The following RARB variants were observed in gnomAD, a reference collection of about 807,000 sequenced individuals.
The protein encoded by RARB is retinoic acid receptor beta, also known as HBV-activated protein.
In RARB, 17 loss-of-function variants were observed where a neutral mutation model predicts 51.9. The ratio of observed to expected loss-of-function variants is 0.33; its 90% CI spans 0.22 to 0.49. The LOEUF is 0.49. Ranked by LOEUF, RARB falls within the 20% of genes least tolerant of loss-of-function variation. RARB has a pLI of 0.99. For missense variants in RARB, 369 were observed against 550.8 expected, an observed-to-expected ratio of 0.67 and a Z score of 3.30; for synonymous variants, 215 against 195.4, an observed-to-expected ratio of 1.10 and a Z score of -0.84.
At chr3:25,347,848 G>A (rs372300170) in intron 5 of RARB, among the ~76,000 whole-genome samples, 5 of 152,220 alleles carry the variant, frequency 3.3e-5, no homozygotes, top group Admixed American at 6.5e-5. Flanking sequence ...TGGTGATAAC[G>A]CAGAGCACTT....
intron 5 of RARB, among the ~76,000 whole-genome samples, chr3:25,333,878 G>C (rs1704979557): frequency 6.6e-6 from 1 of 152,162 alleles, no homozygotes; most frequent in Non-Finnish European, 1.5e-5. Context: ...GACATGAACA[G>C]ACACTTCTCA....
At chr3:25,159,143 T>C (rs912372826) in intron 4 of RARB, among the ~76,000 whole-genome samples, 3 of 150,506 alleles carry the variant, frequency 2.0e-5, no homozygotes, top group African/African-American at 7.3e-5. Flanking sequence ...AAGAAAACTG[T>C]TCCAAATTGT....
chr3:25,268,324 C>G lies in RARB; in HGVS notation c.178+93749C>G, dbSNP rs889633915. The stretch of plus-strand genomic sequence containing the variant: ...TAATGTTGGACCTATTCAGGTGTGG[C>G]TAAATGCACATCTGTAATCTATTTT... On this transcript the variant is annotated intron_variant, in intron 5 of 11. Transcript: ENST00000383772. Among the ~76,000 whole-genome samples, 3 of 151,560 alleles carry G rather than the reference C, an allele frequency of 2.0e-5. No homozygotes were observed. The East Asian group carries it at 5.8e-4, about 29-fold the overall frequency.
At chr3:25,363,461 G>T (rs79834251) in intron 5 of RARB, among the ~76,000 whole-genome samples, 12,770 of 152,078 alleles carry the variant, frequency 0.084, 730 homozygotes, top group South Asian at 0.19. Flanking sequence ...TCGCCATCTG[G>T]GTTGATGGCA....
At chr3:25,323,047 A>G (rs760818843) in intron 5 of RARB, among the ~76,000 whole-genome samples, 13 of 152,162 alleles carry the variant, frequency 8.5e-5, no homozygotes, top group Non-Finnish European at 1.9e-4. Flanking sequence ...GGCCTCACCT[A>G]CATGTTTGGG....
At chr3:25,576,205 G>C (rs181930065) in intron 4 of RARB, among the ~76,000 whole-genome samples, 2 of 152,266 alleles carry the variant, frequency 1.3e-5, no homozygotes, top group East Asian at 3.9e-4. Context: ...TTGGGTGCTG[G>C]GATAAGGTGT....
At chr3:25,029,371 C>G (rs1697822814) in intron 2 of RARB, among the ~76,000 whole-genome samples, 1 of 152,194 alleles carries the variant, frequency 6.6e-6, no homozygotes, top group South Asian at 2.1e-4. Context: ...GCAGGAGGCT[C>G]TACCATAAAA....
intron 5 of RARB, among the ~76,000 whole-genome samples, chr3:25,387,954 T>C (rs1706844196): frequency 1.3e-5 from 2 of 152,136 alleles, no homozygotes; most frequent in Admixed American, 6.6e-5. Flanking sequence ...AAAACTTTCT[T>C]AGAGGCATAA....
intron 2 of RARB, among the ~76,000 whole-genome samples, chr3:24,927,423 G>A (rs73137238): frequency 0.012 from 1,817 of 152,076 alleles, 32 homozygotes; most frequent in African/African-American, 0.041. Context: ...TGTAACTCAC[G>A]TGGTTTCTGC....
chr3:24,861,917 G>A (rs769241810), intron 2 of RARB, among the ~76,000 whole-genome samples: 4 of 152,242 alleles, frequency 2.6e-5, no homozygotes, highest in Non-Finnish European at 5.9e-5. Flanking sequence ...TGGTAGGGCA[G>A]TAAACCATGG....
intron 1 of RARB, among the ~76,000 whole-genome samples, chr3:24,850,343 C>T (rs1326697668): frequency 1.3e-5 from 2 of 152,202 alleles, no homozygotes; most frequent in Non-Finnish European, 2.9e-5. Context: ...TTCCTACGGT[C>T]TGCAAAGCCT....
chr3:24,969,611 G>A (rs1416998129), intron 2 of RARB, among the ~76,000 whole-genome samples: 3 of 152,050 alleles, frequency 2.0e-5, no homozygotes, highest in Admixed American at 6.6e-5. Flanking sequence ...AGATACTTAT[G>A]TCTTTCTCAA....
chr3:25,176,473 G>T (rs1194039157), intron 5 of RARB, among the ~76,000 whole-genome samples: 1 of 150,342 alleles, frequency 6.7e-6, no homozygotes, highest in African/African-American at 2.5e-5. Flanking sequence ...TTGACTCACT[G>T]CAACCTCCAC....
intron 5 of RARB, among the ~76,000 whole-genome samples, chr3:25,389,407 T>TG (rs1465106285): frequency 6.6e-6 from 1 of 152,216 alleles, no homozygotes; most frequent in East Asian, 1.9e-4. Context: ...TATCTGTCAC[T>TG]GACTAGCTGT....
At position 24,868,790 on chromosome 3, in the gene RARB, T is replaced by G. The variant is rs186366726; in HGVS notation, c.-380+10038T>G. Among the ~76,000 whole-genome samples the G allele has an allele frequency of 1.2e-3, 176 of 152,330 alleles. 1 individual carries two copies. Among genetic ancestry groups the G allele is most frequent in the African/African-American group, 4.0e-3 (167 of 41,584 alleles). ...TCCTAAGTCATAGACAATAACTTTT[T>G]GAATCAATTGCTAACAGAAAATCTT... On this transcript the variant is annotated intron_variant, in intron 2 of 11. Coordinates refer to the RARB transcript ENST00000383772.
rs371685514 is a variant in RARB at position 25,341,248 on chromosome 3, A to G, written c.179-119945A>G. The stretch of plus-strand genomic sequence containing the variant: ...TTAATACTTGTCTCTGGAGTGCTCA[A>G]AAGAAAGAAGTACAGAGGCTGTCCA... On this transcript the variant is annotated intron_variant, in intron 5 of 11. Coordinates refer to the RARB transcript ENST00000383772. Among the ~76,000 whole-genome samples the G allele has an allele frequency of 2.0e-5, 3 of 152,330 alleles. No homozygotes were observed. The East Asian group carries it at 5.8e-4, about 29-fold the overall frequency.
intron 2 of RARB, among the ~76,000 whole-genome samples, chr3:25,054,697 A>C (rs1698403255): frequency 1.3e-5 from 2 of 152,164 alleles, no homozygotes; most frequent in African/African-American, 4.8e-5. Context: ...AAAGAGCTGG[A>C]AAATGGAGCA....
At position 24,937,603 on chromosome 3, in the gene RARB, C is replaced by T. The variant is rs113287624; in HGVS notation, c.-380+78851C>T. Among the ~76,000 whole-genome samples the T allele has an allele frequency of 1.8e-4, 28 of 152,156 alleles. 1 individual carries two copies. Among genetic ancestry groups the T allele is most frequent in the South Asian group, 4.2e-4 (2 of 4,814 alleles). Reference sequence around the variant, plus strand: ...ACAAGCAAAGCAGTAGCGTGCGATACGGGAAAGGCCCTCATTTTTCTGTGG... The same window carrying T: ...ACAAGCAAAGCAGTAGCGTGCGATATGGGAAAGGCCCTCATTTTTCTGTGG... On this transcript the variant is annotated intron_variant, in intron 2 of 11. Coordinates refer to the RARB transcript ENST00000383772.
At chr3:25,212,545 G>A (rs758422643) in intron 5 of RARB, among the ~76,000 whole-genome samples, 2 of 152,200 alleles carry the variant, frequency 1.3e-5, no homozygotes, top group African/African-American at 2.4e-5. Context: ...TTGAACCCAG[G>A]AGGCGGAGGT....
Sources: gnomAD v4.1 joint callset for allele counts (sites outside exome capture counted in the v4.1 genomes callset) on GRCh38, gnomAD v4.1.1 for gene constraint, MANE v1.5 for transcripts, NCBI Gene and HGNC (gene_info 2026-07-23, HGNC 2026-07-21) for gene names.